The following XRN1 variants were observed in gnomAD, a reference collection of about 807,000 sequenced individuals.
XRN1 encodes the protein 5'-3' exoribonuclease 1, also known as strand-exchange protein 1 homolog.
In XRN1, 67 loss-of-function variants were observed where a neutral mutation model predicts 222.3. The observed-to-expected ratio is 0.30, with a 90% confidence interval of 0.25 to 0.37. XRN1 has a LOEUF of 0.37. Among genes scored for constraint, XRN1 ranks in the 10% least tolerant of loss-of-function variants. The probability of loss-of-function intolerance (pLI) is 1.00; values close to 1 mark genes in which losing one functional copy is unlikely to be tolerated. For missense variants in XRN1, 1,707 were observed against 2,000.2 expected, an observed-to-expected ratio of 0.85 and a Z score of 2.80; for synonymous variants, 643 against 652.4, an observed-to-expected ratio of 0.99 and a Z score of 0.22.
intron 34 of XRN1, among the ~76,000 whole-genome samples, chr3:142,335,134 C>T (rs1258755296): frequency 2.0e-5 from 3 of 152,104 alleles, no homozygotes; most frequent in African/African-American, 7.2e-5. Flanking sequence ...AGCCACCACG[C>T]CTGGACAAGT....
At chr3:142,438,020 C>A (rs2069999837) in intron 1 of XRN1, among the ~76,000 whole-genome samples, 1 of 152,132 alleles carries the variant, frequency 6.6e-6, no homozygotes, top group African/African-American at 2.4e-5. Flanking sequence ...GTTAAAATGG[C>A]CTTTATCCAA....
chr3:142,442,839 T>C (rs2070291214), intron 1 of XRN1, among the ~76,000 whole-genome samples: 1 of 152,196 alleles, frequency 6.6e-6, no homozygotes, highest in Non-Finnish European at 1.5e-5. Context: ...GTTCACGCCA[T>C]TCTCCTGCCT....
Position 142,332,499 on chromosome 3 carries a change from A to G in XRN1, c.4098T>C (p.Ile1366=), listed in dbSNP as rs1353672213. ...GTRMLKEILK[I]DGSNTVDHKN... is the part of the protein sequence containing the mutation. ...TATGGTCCACAGTGTTAGAGCCATC[A>G]ATTTTTAGAATTTCTTTAAGCATCC... The change falls in exon 36 of 41, where the codon ATT becomes ATC. Residue 1366 remains isoleucine, a synonymous_variant. Transcript: ENST00000392981. The G allele has an allele frequency of 1.2e-6, 2 of 1,610,936 alleles. No homozygotes were observed. Among genetic ancestry groups the G allele is most frequent in the East Asian group, 2.2e-5 (1 of 44,760 alleles).
At chr3:142,343,939 A>G (rs985200048) in intron 33 of XRN1, among the ~76,000 whole-genome samples, 1 of 152,118 alleles carries the variant, frequency 6.6e-6, no homozygotes, top group African/African-American at 2.4e-5. Context: ...TTGCAACAAC[A>G]TGGATCAAAC....
chr3:142,434,921 T>C (rs1049731026), intron 1 of XRN1: 6 of 152,080 alleles, frequency 3.9e-5, no homozygotes, highest in African/African-American at 1.4e-4. Flanking sequence ...GTAAGAAATG[T>C]AACAAAAAAA....
At position 142,379,310 on chromosome 3, in the gene XRN1, C is replaced by T. The variant is rs149994050; in HGVS notation, c.2715+772G>A. Among the ~76,000 whole-genome samples, 175 of 152,054 alleles carry T rather than the reference C, an allele frequency of 1.2e-3. 1 individual carries two copies. Among genetic ancestry groups the T allele is most frequent in the African/African-American group, 3.9e-3 (164 of 41,522 alleles). On this transcript the variant is annotated intron_variant, in intron 23 of 40. Coordinates refer to ENST00000392981, the MANE Select transcript of XRN1 (RefSeq NM_001282857.2). ...CCAAAACCAAAACCAAAACAAAATT[C>T]TGAGGGAAAATAATCTCTAATCTAG...
At chr3:142,318,925 G>A (rs1164441908) in intron 37 of XRN1, 22 bp from the exon 38 acceptor site, 3 of 1,588,906 alleles carry the variant, frequency 1.9e-6, no homozygotes, top group Admixed American at 3.4e-5. Context: ...GAATATATAT[G>A]TCTATGAAAT....
intron 18 of XRN1, among the ~76,000 whole-genome samples, chr3:142,400,962 G>C (rs1176189580): frequency 3.3e-5 from 5 of 151,990 alleles, no homozygotes; most frequent in African/African-American, 1.2e-4. Context: ...TGAATTAGTT[G>C]CTTTACAAAA....
At chr3:142,397,961 G>A (rs1047299272) in intron 19 of XRN1, among the ~76,000 whole-genome samples, 7 of 152,064 alleles carry the variant, frequency 4.6e-5, no homozygotes, top group African/African-American at 1.7e-4. Context: ...AAAATTTAAG[G>A]TTGGGTGCAG....
At chr3:142,417,306 A>C in intron 12 of XRN1, 77 bp from the exon 13 acceptor site, 1 of 1,106,428 alleles carries the variant, frequency 9.0e-7, no homozygotes, top group Non-Finnish European at 1.3e-6. Context: ...ATCTGCTGAT[A>C]CAACATTTTA....
chr3:142,378,050 T>C (rs541915077), intron 23 of XRN1, among the ~76,000 whole-genome samples: 1 of 152,292 alleles, frequency 6.6e-6, no homozygotes, highest in South Asian at 2.1e-4. Context: ...GATATAAAGC[T>C]TTATATTTTA....
At chr3:142,339,053 C>T (rs1273683874) in intron 33 of XRN1, among the ~76,000 whole-genome samples, 2 of 152,172 alleles carry the variant, frequency 1.3e-5, no homozygotes, top group Non-Finnish European at 2.9e-5. Context: ...TGGCTGGTTT[C>T]ACCATCTACT....
intron 31 of XRN1, among the ~76,000 whole-genome samples, chr3:142,355,849 T>C (rs2107829214): frequency 6.6e-6 from 1 of 152,186 alleles, no homozygotes; most frequent in East Asian, 1.9e-4. Context: ...AACTACTGCC[T>C]CAAGCAGTCC....
intron 33 of XRN1, among the ~76,000 whole-genome samples, chr3:142,343,454 TAA>T (rs532574616): frequency 7.5e-6 from 1 of 133,420 alleles, no homozygotes. Context: ...AATTCCGTCT[TAA>T]AAAAAAAAAA....
chr3:142,345,263 C>A (rs1205730271), intron 33 of XRN1, among the ~76,000 whole-genome samples: 3 of 152,086 alleles, frequency 2.0e-5, no homozygotes, highest in African/African-American at 7.2e-5. Context: ...GGTGCCAAGA[C>A]TATTCAATGG....
chr3:142,414,155 A>C lies in XRN1; in HGVS notation c.1573T>G (p.Leu525Val). Reference protein sequence around the residue: ...LAVLPAASKNLLPACYQHLMT... With the variant: ...LAVLPAASKNVLPACYQHLMT... ...CCCACCTGGTAGCATGCAGGAAGTA[A>C]ATTTTTGCTGGCTGCTGGAAGTACA... The change falls in exon 14 of 41, where the codon TTA (leucine) becomes GTA (valine). Residue 525 changes from leucine (L) to valine (V), a missense_variant. Physicochemically the swap from Leu to Val is conservative, Grantham distance 32. Around this residue, in one of 2 missense-constraint regions of XRN1, gnomAD observed 1,234 missense variants for 1,518.2 expected, o/e 0.81. Coordinates refer to ENST00000392981, the MANE Select transcript of XRN1 (RefSeq NM_001282857.2). 1 of 1,612,716 alleles carries C rather than the reference A, an allele frequency of 6.2e-7. No homozygotes were observed. The highest frequency in any genetic ancestry group is 8.5e-7 in the Non-Finnish European group (1 of 1,179,418).
chr3:142,443,780 C>A (rs1290385049), intron 1 of XRN1, among the ~76,000 whole-genome samples: 1 of 152,244 alleles, frequency 6.6e-6, no homozygotes, highest in East Asian at 1.9e-4. Flanking sequence ...ATCTGCACTC[C>A]TTTGTTTGTT....
chr3:142,350,783 ACT>A (rs1456265945), intron 32 of XRN1, among the ~76,000 whole-genome samples: 1 of 152,096 alleles, frequency 6.6e-6, no homozygotes, highest in African/African-American at 2.4e-5. Context: ...AAAGGATGTG[ACT>A]CTTAAGGTCT....
In XRN1 at chr3:142,421,077, T is replaced by C. The variant is rs143458115; in HGVS notation, c.1112A>G (p.Asn371Ser). The change falls in exon 10 of 41, where the codon AAT (asparagine) becomes AGT (serine). Residue 371 changes from asparagine to serine, a missense_variant. Coordinates refer to ENST00000392981, the MANE Select transcript of XRN1 (RefSeq NM_001282857.2). ...FESKVGNKYL[N>S]EAAGVAAEEA... ...TTCTGCTGCGACACCTGCTGCTTCA[T>C]TGAGGTACTTGTTACCAACTTTGCT... The C allele has an allele frequency of 9.1e-5, 147 of 1,613,980 alleles. 1 individual carries two copies. The highest frequency in any genetic ancestry group is 3.3e-4 in the Middle Eastern group (2 of 6,080).
Sources: allele counts gnomAD v4.1 joint callset (sites outside exome capture counted in the v4.1 genomes callset), GRCh38; gene constraint gnomAD v4.1.1; regional missense constraint gnomAD v4.1.1; transcripts MANE v1.5; gene names NCBI Gene and HGNC (gene_info 2026-07-23, HGNC 2026-07-21).